VPS13B: variants seen among roughly 807,000 people sequenced by gnomAD.
The protein encoded by VPS13B is vacuolar protein sorting 13 homolog B.
A neutral mutation model predicts 426.4 loss-of-function variants in VPS13B; 285 were observed. The ratio of observed to expected loss-of-function variants is 0.67; its 90% CI spans 0.61 to 0.74. The LOEUF is 0.74. Ranked by LOEUF, VPS13B falls within the 30% of genes least tolerant of loss-of-function variation. The pLI is 0.00. For synonymous variants in VPS13B, 1,676 were observed against 1,676.4 expected (o/e 1.00, Z 0.01); for missense variants, 4,537 against 4,782.6 (o/e 0.95, Z 1.51).
chr8:99,201,172 GTA>G (rs1375854296), intron 17 of VPS13B, among the ~76,000 whole-genome samples: 2 of 151,908 alleles, frequency 1.3e-5, no homozygotes. Flanking sequence ...TAAGAAATGT[GTA>G]TATGTTTCAC....
At chr8:99,368,112 G>A (rs1216064418) in intron 19 of VPS13B, among the ~76,000 whole-genome samples, 1 of 152,206 alleles carries the variant, frequency 6.6e-6, no homozygotes, top group Non-Finnish European at 1.5e-5. Flanking sequence ...AAAATCAAAT[G>A]TTTTTAAAAG....
At chr8:99,416,221 G>GA (rs1815995832) in intron 21 of VPS13B, among the ~76,000 whole-genome samples, 1 of 152,122 alleles carries the variant, frequency 6.6e-6, no homozygotes, top group Non-Finnish European at 1.5e-5. Flanking sequence ...ACTGTGTGGG[G>GA]AAAATCACCT....
chr8:99,016,874 C>A (rs1162737682), intron 2 of VPS13B, among the ~76,000 whole-genome samples: 1 of 152,114 alleles, frequency 6.6e-6, no homozygotes, highest in Non-Finnish European at 1.5e-5. Context: ...CAGGCATGAG[C>A]CACTGCGCCC....
intron 40 of VPS13B, 35 bp downstream of exon 40, chr8:99,767,005 C>T (rs1441853113): frequency 6.3e-7 from 1 of 1,598,910 alleles, no homozygotes; most frequent in Non-Finnish European, 8.6e-7. Flanking sequence ...TAGCATTACA[C>T]TGGGAAACAA....
At chr8:99,360,888 A>G (rs1812524268) in intron 19 of VPS13B, among the ~76,000 whole-genome samples, 1 of 152,198 alleles carries the variant, frequency 6.6e-6, no homozygotes, top group Admixed American at 6.5e-5. Context: ...ATTTCTATAA[A>G]TAAAATATTT....
chr8:99,232,032 G>T (rs1259894975), intron 17 of VPS13B, among the ~76,000 whole-genome samples: 3 of 152,098 alleles, frequency 2.0e-5, no homozygotes, highest in Non-Finnish European at 4.4e-5. Flanking sequence ...GTAACCAAGC[G>T]TAAGTTGAGG....
At position 99,854,153 on chromosome 8, in the gene VPS13B, T is replaced by C. The variant is rs1477900241; in HGVS notation, c.10764T>C (p.Pro3588=). 4.3e-6 allele frequency: 7 copies of C among 1,613,132 alleles called. No homozygotes were observed. Among genetic ancestry groups the C allele is most frequent in the African/African-American group, 4.0e-5 (3 of 74,640 alleles). ...LKLYIASDHT[P]LSFSVFERGP... is the part of the protein sequence containing the mutation. ...TGTACATAGCCTCAGACCACACTCCTCTCTCCTTCTCGGTGTTTGAAAGAG... is the reference window on the plus strand; with the variant it reads ...TGTACATAGCCTCAGACCACACTCCCCTCTCCTTCTCGGTGTTTGAAAGAG... The change falls in exon 56 of 62, where the codon CCT becomes CCC. Residue 3588 remains proline, a synonymous_variant. Transcript: ENST00000357162.
At chr8:99,144,320 AG>A (rs1810582757) in intron 13 of VPS13B, among the ~76,000 whole-genome samples, 1 of 151,702 alleles carries the variant, frequency 6.6e-6, no homozygotes, top group African/African-American at 2.4e-5. Context: ...GGCAAGACCC[AG>A]TCTCTACAAA....
chr8:99,158,512 G>A (rs75660336), intron 15 of VPS13B, among the ~76,000 whole-genome samples: 8,290 of 152,218 alleles, frequency 0.054, 263 homozygotes, highest in African/African-American at 0.089. Flanking sequence ...CAGCCTGGGC[G>A]ACAGGGCAAG....
At chr8:99,083,840 G>A (rs1845619697) in intron 3 of VPS13B, among the ~76,000 whole-genome samples, 1 of 136,164 alleles carries the variant, frequency 7.3e-6, no homozygotes, top group Non-Finnish European at 1.6e-5. Context: ...TTTTTGATGT[G>A]CTGCTGGATT....
At chr8:99,425,873 T>G (rs1227811096) in intron 21 of VPS13B, among the ~76,000 whole-genome samples, 2 of 152,142 alleles carry the variant, frequency 1.3e-5, no homozygotes, top group African/African-American at 2.4e-5. Flanking sequence ...ACAAAATAAA[T>G]GTGCAAAAAT....
chr8:99,838,149 T>C (rs1815489969), intron 54 of VPS13B, among the ~76,000 whole-genome samples: 1 of 152,212 alleles, frequency 6.6e-6, no homozygotes, highest in Non-Finnish European at 1.5e-5. Context: ...GCTGTGGGCT[T>C]TCTGTGGTTG....
intron 21 of VPS13B, among the ~76,000 whole-genome samples, chr8:99,402,184 A>G (rs1418422235): frequency 6.6e-6 from 1 of 152,204 alleles, no homozygotes; most frequent in Non-Finnish European, 1.5e-5. Context: ...GCAGTGAGTT[A>G]CATGAAGCAG....
intron 54 of VPS13B, among the ~76,000 whole-genome samples, chr8:99,837,579 AGAG>A (rs926269215): frequency 6.6e-6 from 1 of 152,162 alleles, no homozygotes; most frequent in Non-Finnish European, 1.5e-5. Flanking sequence ...TTCAAAGCTA[AGAG>A]GAGGTGCTCT....
chr8:99,640,007 T>TAAGAAGAAGAAGAAGAAG (rs1212185455), intron 33 of VPS13B, among the ~76,000 whole-genome samples: 1 of 76,280 alleles, frequency 1.3e-5, no homozygotes, highest in African/African-American at 5.5e-5. Context: ...ATAATAATAA[T>TAAGAAGAAGAAGAAGAAG]AATAATAATA....
At chr8:99,281,988 T>C (rs1819197938) in intron 19 of VPS13B, among the ~76,000 whole-genome samples, 1 of 152,308 alleles carries the variant, frequency 6.6e-6, no homozygotes, top group African/African-American at 2.4e-5. Context: ...GCTTCTTAAA[T>C]ATTTTCTTTG....
intron 16 of VPS13B, among the ~76,000 whole-genome samples, chr8:99,184,899 G>T (rs190092826): frequency 7.9e-5 from 12 of 152,318 alleles, no homozygotes; most frequent in East Asian, 1.9e-4. Context: ...GCTGAGGCAC[G>T]AGAGTCTCTT....
intron 25 of VPS13B, among the ~76,000 whole-genome samples, chr8:99,487,260 C>G (rs539043913): frequency 3.9e-5 from 6 of 152,098 alleles, no homozygotes; most frequent in Admixed American, 3.3e-4. Context: ...ATTCACCTGG[C>G]ATTTTATCCA....
At chr8:99,692,070 T>G (rs1489655334) in intron 35 of VPS13B, among the ~76,000 whole-genome samples, 1 of 146,062 alleles carries the variant, frequency 6.8e-6, no homozygotes, top group African/African-American at 2.5e-5. Flanking sequence ...ACAAAGAGAC[T>G]TAGACTCCCA....
Sources: allele counts gnomAD v4.1 joint callset (sites outside exome capture counted in the v4.1 genomes callset), GRCh38; gene constraint gnomAD v4.1.1; transcripts MANE v1.5; gene names NCBI Gene and HGNC (gene_info 2026-07-23, HGNC 2026-07-21).